FIG4: variants seen among roughly 807,000 people sequenced by gnomAD.
FIG4 encodes the protein FIG4 phosphoinositide 5-phosphatase.
A neutral mutation model predicts 118.6 loss-of-function variants in FIG4; 112 were observed. That is an observed-to-expected ratio of 0.94 (90% CI 0.81 to 1.11). The LOEUF is 1.11. Among genes scored for constraint, FIG4 ranks in the 50% least tolerant of loss-of-function variants. FIG4 has a pLI of 0.00. For missense variants in FIG4, 969 were observed against 1,111.7 expected, an observed-to-expected ratio of 0.87 and a Z score of 1.83; for synonymous variants, 369 against 381.2, an observed-to-expected ratio of 0.97 and a Z score of 0.37.
At chr6:109,772,365 A>G (rs1777491982) in intron 15 of FIG4, among the ~76,000 whole-genome samples, 1 of 152,122 alleles carries the variant, frequency 6.6e-6, no homozygotes, top group Admixed American at 6.5e-5. Context: ...TGACACTCAG[A>G]TTTTTAGCTC....
intron 16 of FIG4, among the ~76,000 whole-genome samples, chr6:109,778,156 A>G (rs1387605358): frequency 6.6e-6 from 1 of 151,976 alleles, no homozygotes; most frequent in Non-Finnish European, 1.5e-5. Flanking sequence ...TAGAGCCCTA[A>G]TTTTGCGCAA....
chr6:109,736,825 A>G (rs1239851957), intron 6 of FIG4, among the ~76,000 whole-genome samples: 2 of 152,144 alleles, frequency 1.3e-5, no homozygotes, highest in Non-Finnish European at 2.9e-5. Context: ...GTGAGCCAAA[A>G]TTAGCATATC....
chr6:109,777,861 G>C (rs1367178489), intron 16 of FIG4, among the ~76,000 whole-genome samples: 1 of 152,226 alleles, frequency 6.6e-6, no homozygotes, highest in Non-Finnish European at 1.5e-5. Context: ...AATCTCTGCA[G>C]TTCTGTGACC....
intron 1 of FIG4, among the ~76,000 whole-genome samples, chr6:109,696,019 G>A (rs796594760): frequency 2.6e-5 from 4 of 152,228 alleles, no homozygotes; most frequent in African/African-American, 9.6e-5. Context: ...AAATTTACAT[G>A]GGTGGTCTGC....
At chr6:109,721,508 T>G (rs1324053058) in intron 3 of FIG4, among the ~76,000 whole-genome samples, 1 of 152,224 alleles carries the variant, frequency 6.6e-6, no homozygotes, top group Admixed American at 6.5e-5. Flanking sequence ...TTTAATATAC[T>G]TTGCTTGGCT....
intron 22 of FIG4, among the ~76,000 whole-genome samples, chr6:109,807,158 G>T (rs1778587597): frequency 6.6e-6 from 1 of 152,232 alleles, no homozygotes; most frequent in East Asian, 1.9e-4. Flanking sequence ...TGGCATTTCT[G>T]GTTCTAGATT....
chr6:109,724,803 TTGTGTGTGTGTG>T (rs60968865), intron 3 of FIG4, among the ~76,000 whole-genome samples: 6 of 146,746 alleles, frequency 4.1e-5, no homozygotes, highest in Non-Finnish European at 6.0e-5. Context: ...TTATAATCCT[TTGTGTGTGTGTG>T]TGTGTGTGTG....
intron 9 of FIG4, 25 bp downstream of exon 9, chr6:109,743,297 A>C (rs1479320758): frequency 6.2e-7 from 1 of 1,602,392 alleles, no homozygotes; most frequent in Non-Finnish European, 8.5e-7. Context: ...GTTTTTAATA[A>C]TAACTCCTGT....
chr6:109,697,470 A>G (rs1774765015), intron 1 of FIG4, among the ~76,000 whole-genome samples: 1 of 152,164 alleles, frequency 6.6e-6, no homozygotes, highest in Admixed American at 6.5e-5. Context: ...ACTGTTGACA[A>G]GGAGCTTTGC....
intron 22 of FIG4, among the ~76,000 whole-genome samples, chr6:109,803,330 A>G (rs151081554): frequency 0.013 from 2,018 of 152,332 alleles, 55 homozygotes; most frequent in African/African-American, 0.046. Flanking sequence ...GTATTCTTTT[A>G]CAAAGGTAGA....
In FIG4 at chr6:109,815,944, A is replaced by G. The variant is rs1166023966; in HGVS notation, c.2547-9144A>G. On this transcript the variant is annotated intron_variant, in intron 22 of 22. Coordinates refer to ENST00000230124, the MANE Select transcript of FIG4 (RefSeq NM_014845.6). ...ATTTATACTTTTATTTATATTAATA[A>G]TACTAACAGATTATAGGCCATGTTT... Among the ~76,000 whole-genome samples the G allele has an allele frequency of 3.3e-5, 5 of 152,142 alleles. No individual in the cohort carries two copies. The South Asian group carries it at 8.3e-4, about 25-fold the overall frequency.
chr6:109,784,798 A>G (rs574176418), intron 16 of FIG4, among the ~76,000 whole-genome samples, 172 bp from the exon 17 acceptor site: 24 of 152,356 alleles, frequency 1.6e-4, no homozygotes, highest in African/African-American at 5.0e-4. Context: ...GGGAATTACC[A>G]TGTTGAAGAC....
At chr6:109,755,760 C>G (rs1298309546) in intron 10 of FIG4, among the ~76,000 whole-genome samples, 1 of 152,068 alleles carries the variant, frequency 6.6e-6, no homozygotes. Flanking sequence ...GATTGCAACC[C>G]CTGCCTTTTT....
At chr6:109,698,958 G>T (rs1388591952) in intron 1 of FIG4, among the ~76,000 whole-genome samples, 1 of 152,026 alleles carries the variant, frequency 6.6e-6, no homozygotes, top group Non-Finnish European at 1.5e-5. Context: ...TAATGTCTTT[G>T]TCTGATTTTG....
intron 19 of FIG4, among the ~76,000 whole-genome samples, chr6:109,790,934 T>C (rs560345597): frequency 1.3e-5 from 2 of 152,208 alleles, no homozygotes; most frequent in Non-Finnish European, 1.5e-5. Flanking sequence ...TACACTATGA[T>C]TGATAAAAAA....
At chr6:109,740,085 T>TC (rs1776278153) in intron 7 of FIG4, among the ~76,000 whole-genome samples, 1 of 152,194 alleles carries the variant, frequency 6.6e-6, no homozygotes, top group African/African-American at 2.4e-5. Flanking sequence ...CCTGAATTAC[T>TC]TTTTTCTCTT....
chr6:109,817,219 C>T (rs1778884222), intron 22 of FIG4, among the ~76,000 whole-genome samples: 1 of 152,168 alleles, frequency 6.6e-6, no homozygotes, highest in Non-Finnish European at 1.5e-5. Flanking sequence ...GCAGGAGAAC[C>T]AGTCCATGTT....
intron 4 of FIG4, among the ~76,000 whole-genome samples, chr6:109,732,064 C>T (rs1359594750): frequency 1.3e-5 from 2 of 152,140 alleles, no homozygotes; most frequent in African/African-American, 4.8e-5. Context: ...AAAATGGTTG[C>T]ATTTGGAGTG....
intron 4 of FIG4, among the ~76,000 whole-genome samples, chr6:109,727,648 A>C (rs1583655728): frequency 6.6e-6 from 1 of 152,316 alleles, no homozygotes; most frequent in East Asian, 1.9e-4. Context: ...AGGAATAAGT[A>C]TTTTTATGAT....
Sources: allele counts gnomAD v4.1 joint callset (sites outside exome capture counted in the v4.1 genomes callset), GRCh38; gene constraint gnomAD v4.1.1; transcripts MANE v1.5; gene names NCBI Gene and HGNC (gene_info 2026-07-23, HGNC 2026-07-21).